The following GLUD1 variants were observed in gnomAD, a reference collection of about 807,000 sequenced individuals.
The protein encoded by GLUD1 is glutamate dehydrogenase 1, mitochondrial.
Under a neutral mutation model 56.0 loss-of-function variants are expected in GLUD1, and 22 were observed. The ratio of observed to expected loss-of-function variants is 0.39; its 90% CI spans 0.28 to 0.56. The LOEUF is 0.56. Ranked by LOEUF, GLUD1 falls within the 20% of genes least tolerant of loss-of-function variation. The probability of loss-of-function intolerance (pLI) is 0.58; values close to 1 mark genes in which losing one functional copy is unlikely to be tolerated. For synonymous variants in GLUD1, 223 were observed against 269.9 expected, an observed-to-expected ratio of 0.83 and a Z score of 1.70; for missense variants, 451 against 732.0, an observed-to-expected ratio of 0.62 and a Z score of 4.43.
intron 4 of GLUD1, among the ~76,000 whole-genome samples, chr10:87,072,050 A>C (rs748161550): frequency 8.5e-5 from 13 of 152,172 alleles, no homozygotes; most frequent in Admixed American, 2.6e-4. Context: ...AGGTGGGAAG[A>C]CTGCTTGAGC....
chr10:87,052,274 G>A (rs1257913681), intron 12 of GLUD1, among the ~76,000 whole-genome samples: 1 of 152,088 alleles, frequency 6.6e-6, no homozygotes, highest in African/African-American at 2.4e-5. Flanking sequence ...ATCACTTGAG[G>A]TCAGGAGTTC....
At chr10:87,076,547 A>G (rs1376526201) in intron 2 of GLUD1, 29 bp downstream of exon 2, 2 of 1,326,728 alleles carry the variant, frequency 1.5e-6, no homozygotes, top group Middle Eastern at 1.8e-4. Flanking sequence ...CAGAGTTCTC[A>G]TTAGGCAGCA....
At chr10:87,072,688 A>T (rs1846271554) in intron 4 of GLUD1, among the ~76,000 whole-genome samples, 1 of 152,322 alleles carries the variant, frequency 6.6e-6, no homozygotes, top group East Asian at 1.9e-4. Context: ...CTTTGGAATT[A>T]TTAGGTACTT....
intron 4 of GLUD1, 142 bp downstream of exon 4, chr10:87,074,409 G>A (rs1846325533): frequency 4.5e-6 from 3 of 664,968 alleles, no homozygotes; most frequent in Non-Finnish European, 8.3e-6. Context: ...GCTGAGACAA[G>A]AGAATTGCTT....
chr10:87,086,832 GAAAAA>G (rs367807316), intron 1 of GLUD1, among the ~76,000 whole-genome samples: 1 of 70,414 alleles, frequency 1.4e-5, no homozygotes, highest in African/African-American at 4.7e-5. Flanking sequence ...CCGTCTCAAA[GAAAAA>G]AAAAAAAAAA....
intron 1 of GLUD1, chr10:87,091,463 C>T: frequency 6.1e-6 from 1 of 165,008 alleles, no homozygotes; most frequent in Non-Finnish European, 1.3e-5. Context: ...CCCACCAGAA[C>T]TTTTGAACCA....
chr10:87,072,564 G>A (rs1226661732), intron 4 of GLUD1, among the ~76,000 whole-genome samples: 2 of 152,176 alleles, frequency 1.3e-5, no homozygotes, highest in East Asian at 1.9e-4. Context: ...GGGCCAAGAC[G>A]TCAATTTAAC....
rs1313771549 is a variant in GLUD1 at position 87,050,458 on chromosome 10, A to G, written c.*1293T>C. On this transcript the variant is annotated 3_prime_UTR_variant, in exon 13 of 13. Coordinates refer to ENST00000277865, the MANE Select transcript of GLUD1 (RefSeq NM_005271.5). ...AACTTATGAAAAGAGAAACTACCAC[A>G]TGTAAAAACACAGAAAAGAAACGTA... 6.6e-6 allele frequency: 1 copy of G among 152,164 alleles called. No homozygotes were observed. Among genetic ancestry groups the G allele is most frequent in the Non-Finnish European group, 1.5e-5 (1 of 68,038 alleles). 9.4% of individuals were successfully genotyped at this position (152,164 alleles called of 1,614,324 possible).
At chr10:87,066,139 A>C (rs542591467) in intron 5 of GLUD1, among the ~76,000 whole-genome samples, 1 of 152,312 alleles carries the variant, frequency 6.6e-6, no homozygotes, top group East Asian at 1.9e-4. Context: ...TAAACATGCC[A>C]AAAGACAAAA....
At chr10:87,075,794 C>T (rs1846371024) in intron 3 of GLUD1, among the ~76,000 whole-genome samples, 174 bp downstream of exon 3, 1 of 152,056 alleles carries the variant, frequency 6.6e-6, no homozygotes, top group African/African-American at 2.4e-5. Flanking sequence ...TGGTGGCGTG[C>T]ACCTGTAATC....
chr10:87,056,419 G>A (rs1392210014), intron 11 of GLUD1, among the ~76,000 whole-genome samples: 5 of 149,874 alleles, frequency 3.3e-5, no homozygotes, highest in South Asian at 2.1e-4. Context: ...TCAGCCTCCC[G>A]AGTAGCTGGG....
intron 11 of GLUD1, among the ~76,000 whole-genome samples, chr10:87,054,266 A>G (rs906322583): frequency 6.6e-6 from 1 of 152,186 alleles, no homozygotes; most frequent in Non-Finnish European, 1.5e-5. Flanking sequence ...TGTAGTGGGA[A>G]GAGAGTGTAT....
chr10:87,060,636 C>T, intron 8 of GLUD1, 52 bp downstream of exon 8: 1 of 1,610,256 alleles, frequency 6.2e-7, no homozygotes, highest in Non-Finnish European at 8.5e-7. Flanking sequence ...TATGACCCCC[C>T]TAACGTCATT....
At chr10:87,054,751 G>A (rs1417990208) in intron 11 of GLUD1, among the ~76,000 whole-genome samples, 1 of 152,210 alleles carries the variant, frequency 6.6e-6, no homozygotes, top group Non-Finnish European at 1.5e-5. Flanking sequence ...CATTTGGTAA[G>A]CTGAGGGGAA....
At chr10:87,067,963 G>C in intron 5 of GLUD1, 100 bp downstream of exon 5, 1 of 740,214 alleles carries the variant, frequency 1.4e-6, no homozygotes, top group Non-Finnish European at 2.4e-6. Flanking sequence ...TTGAATGAGA[G>C]AAAAACCCAG....
intron 4 of GLUD1, among the ~76,000 whole-genome samples, chr10:87,071,045 C>T (rs1400751130): frequency 2.6e-5 from 4 of 151,912 alleles, no homozygotes; most frequent in Non-Finnish European, 5.9e-5. Flanking sequence ...AGGAGAATGG[C>T]GTGAACCCGG....
intron 1 of GLUD1, among the ~76,000 whole-genome samples, chr10:87,093,117 T>A (rs1156837272): frequency 6.6e-6 from 1 of 152,066 alleles, no homozygotes; most frequent in Non-Finnish European, 1.5e-5. Context: ...ACAACCTTTG[T>A]CCCCCCTGCT....
chr10:87,059,287 T>A lies in GLUD1; in HGVS notation c.1279-14A>T, dbSNP rs1233053102. On this transcript the variant is annotated splice_polypyrimidine_tract_variant and intron_variant, in intron 9 of 12. Coordinates refer to ENST00000277865, the MANE Select transcript of GLUD1 (RefSeq NM_005271.5). Reference sequence around the variant, plus strand: ...CAAGTAGAGATCCTATGCACAAAAATAAGACAAAGAAATTAGAAGATGATG... The same window carrying A: ...CAAGTAGAGATCCTATGCACAAAAAAAAGACAAAGAAATTAGAAGATGATG... 1 of 1,612,878 alleles carries A rather than the reference T, an allele frequency of 6.2e-7. No individual in the cohort carries two copies. Among genetic ancestry groups the A allele is most frequent in the African/African-American group, 1.3e-5 (1 of 74,878 alleles).
chr10:87,090,895 TA>T (rs1311939086), intron 1 of GLUD1, among the ~76,000 whole-genome samples: 2 of 152,206 alleles, frequency 1.3e-5, no homozygotes, highest in Non-Finnish European at 2.9e-5. Flanking sequence ...TATCTCATTT[TA>T]AATCAGTATC....
Sources: allele counts gnomAD v4.1 joint callset (sites outside exome capture counted in the v4.1 genomes callset), GRCh38; gene constraint gnomAD v4.1.1; transcripts MANE v1.5; gene names NCBI Gene and HGNC (gene_info 2026-07-23, HGNC 2026-07-21).